Variants in FOXJ2 observed in about 807,000 individuals in gnomAD.
FOXJ2 encodes forkhead box protein J2.
A neutral mutation model predicts 68.4 loss-of-function variants in FOXJ2; 18 were observed. The observed-to-expected ratio is 0.26, with a 90% confidence interval of 0.18 to 0.39. The LOEUF (loss-of-function observed/expected upper bound fraction) is 0.39, where lower values mean the gene tolerates loss of function less well. Among genes scored for constraint, FOXJ2 ranks in the 10% least tolerant of loss-of-function variants. The pLI is 1.00. For missense variants in FOXJ2, 670 were observed against 726.5 expected (o/e 0.92, Z 0.89); for synonymous variants, 274 against 263.2 (o/e 1.04, Z -0.40).
At position 8,032,766 on chromosome 12, in the gene FOXJ2, G is replaced by A; in HGVS notation, c.-1082G>A. The A allele has an allele frequency of 2.5e-6, 1 of 397,882 alleles. No individual in the cohort carries two copies. The highest frequency in any genetic ancestry group is 4.4e-6 in the Non-Finnish European group (1 of 225,642). The allele number at this position is 397,882 out of a possible 1,614,324, so 24.6% of individuals were successfully genotyped here. On this transcript the variant is annotated 5_prime_UTR_variant, in exon 1 of 11. Coordinates refer to ENST00000162391, the MANE Select transcript of FOXJ2 (RefSeq NM_018416.3). The surrounding 1 kb of genome is among the most constrained non-coding windows in gnomAD (Gnocchi z 4.8). ...CCCGCGCCGAGCCCTGACACTGTCT[G>A]CCCGCCTTCTGGCTCCCCGGGAGCC... is the stretch of plus-strand genomic sequence containing the variant.
intron 5 of FOXJ2, 128 bp downstream of exon 5, chr12:8,044,219 A>G: frequency 8.9e-7 from 1 of 1,125,876 alleles, no homozygotes; most frequent in Admixed American, 3.3e-5. Context: ...AGGAAGGGGA[A>G]GGCAAAAGAG....
In FOXJ2 at chr12:8,033,573, C is replaced by T. The variant is rs1173409343; in HGVS notation, c.-275C>T. On this transcript the variant is annotated 5_prime_UTR_variant, in exon 1 of 11. Coordinates refer to ENST00000162391, the MANE Select transcript of FOXJ2 (RefSeq NM_018416.3). ...TTGGGAGAGGCTCCTCCCCTCCTCC[C>T]CCGGGTAACAAGCAGGGTGTGGGGG... 2.0e-5 allele frequency: 3 copies of T among 152,752 alleles called. No individual in the cohort carries two copies. Among genetic ancestry groups the T allele is most frequent in the Non-Finnish European group, 4.4e-5 (3 of 68,178 alleles). The allele number at this position is 152,752 out of a possible 1,614,324, so 9.5% of individuals were successfully genotyped here. A position where few individuals can be genotyped will look rare whatever the true frequency, so the allele number is the denominator to read the frequency against.
chr12:8,049,456 T>C lies in FOXJ2; in HGVS notation c.1422T>C (p.Leu474=). Residue 474 remains leucine (L), a synonymous_variant, in exon 9 of 11, where the codon CTT becomes CTC. Coordinates refer to ENST00000162391, the MANE Select transcript of FOXJ2 (RefSeq NM_018416.3). ...TGTGTGACTCCCTCAACCACTTCCT[T>C]ACTCAGACTGGTCACGTGCCCCCTC... ...ANLCDSLNHF[L]TQTGHVPPQG... is the part of the protein sequence containing the mutation. 2 of 1,614,168 alleles carry C rather than the reference T, an allele frequency of 1.2e-6. No individual in the cohort carries two copies. The highest frequency in any genetic ancestry group is 4.5e-5 in the East Asian group (2 of 44,884).
At chr12:8,044,575 TG>T (rs2121337689) in intron 5 of FOXJ2, among the ~76,000 whole-genome samples, 184 bp from the exon 6 acceptor site, 1 of 151,860 alleles carries the variant, frequency 6.6e-6, no homozygotes, top group South Asian at 2.1e-4. Context: ...AAATGGAGAC[TG>T]ATGAGAGAAA....
At position 8,033,014 on chromosome 12, in the gene FOXJ2, G is replaced by T; in HGVS notation, c.-834G>T. On this transcript the variant is annotated 5_prime_UTR_variant, in exon 1 of 11. Coordinates refer to ENST00000162391, the MANE Select transcript of FOXJ2 (RefSeq NM_018416.3). ...ACCCCGGGAGCGGAGGCGGGAGCGG[G>T]GACGCGAGCAACCTCTCCCCCTGTT... 1 of 396,662 alleles carries T rather than the reference G, an allele frequency of 2.5e-6. No homozygotes were observed. Among genetic ancestry groups the T allele is most frequent in the South Asian group, 1.3e-4 (1 of 7,442 alleles). 24.6% of individuals were successfully genotyped at this position (396,662 alleles called of 1,614,324 possible).
Position 8,055,513 on chromosome 12 carries a change from T to A in FOXJ2, c.*2663T>A, listed in dbSNP as rs933416694. ...AAAAAAAAAAAAAGAATGTTTACAG[T>A]TTTATCTTACTGGTAGTGGTCTCAA... On this transcript the variant is annotated 3_prime_UTR_variant, in exon 11 of 11. Transcript: ENST00000162391. 1 of 152,428 alleles carries A rather than the reference T, an allele frequency of 6.6e-6. No homozygotes were observed. The highest frequency in any genetic ancestry group is 2.4e-5 in the African/African-American group (1 of 41,406). 9.4% of individuals were successfully genotyped at this position (152,428 alleles called of 1,614,324 possible). A position where few individuals can be genotyped will look rare whatever the true frequency, so the allele number is the denominator to read the frequency against.
intron 4 of FOXJ2, 41 bp downstream of exon 4, chr12:8,043,810 G>A (rs1178397730): frequency 1.1e-5 from 17 of 1,613,062 alleles, no homozygotes; most frequent in Non-Finnish European, 1.4e-5. Context: ...ATCTGAGCCA[G>A]CTGCTCCTTC....
chr12:8,048,418 C>T, intron 7 of FOXJ2, 129 bp downstream of exon 7: 1 of 1,416,372 alleles, frequency 7.1e-7, no homozygotes, highest in Non-Finnish European at 9.3e-7. Context: ...TTCATGTGAG[C>T]TAATCTGAAC....
chr12:8,044,800 C>T lies in FOXJ2; in HGVS notation c.659C>T (p.Ala220Val). 1.2e-6 allele frequency: 2 copies of T among 1,613,972 alleles called. No individual in the cohort carries two copies. Among genetic ancestry groups the T allele is most frequent in the Non-Finnish European group, 1.7e-6 (2 of 1,179,868 alleles). The change falls in exon 6 of 11, where the codon GCT (alanine) becomes GTT (valine). Residue 220 changes from alanine (A) to valine (V), a missense_variant. Physicochemically the swap from Ala to Val is moderately conservative, Grantham distance 64. Coordinates refer to ENST00000162391, the MANE Select transcript of FOXJ2 (RefSeq NM_018416.3). ...SVDGGAVAAGASGRESAEGPP... is the reference protein window; with the variant it reads ...SVDGGAVAAGVSGRESAEGPP... ...GATGGTGGAGCAGTGGCAGCAGGGG[C>T]TTCAGGCCGAGAAAGTGCTGAGGGT...
rs773065434 is a variant in FOXJ2 at position 8,038,006 on chromosome 12, C to T, written c.-14-1813C>T. On this transcript the variant is annotated intron_variant, in intron 1 of 10. Coordinates refer to ENST00000162391, the MANE Select transcript of FOXJ2 (RefSeq NM_018416.3). The surrounding 1 kb of genome is among the most constrained non-coding windows in gnomAD (Gnocchi z 5.3). ...GATAAAGGGGAAACCCTTCATGACG[C>T]TATTTATAAACATGCCAGCCCCCCT... is the stretch of plus-strand genomic sequence containing the variant. 6.6e-6 allele frequency among the ~76,000 whole-genome samples: 1 copy of T among 152,292 alleles called. No individual in the cohort carries two copies. Among genetic ancestry groups the T allele is most frequent in the Admixed American group, 6.5e-5 (1 of 15,300 alleles).
At position 8,050,529 on chromosome 12, in the gene FOXJ2, T is replaced by C; in HGVS notation, c.1545T>C (p.Ser515=). 3.1e-6 allele frequency: 5 copies of C among 1,613,448 alleles called. No homozygotes were observed. In the African/African-American group the frequency reaches 5.3e-5, roughly 17 times the overall value. ...KQESAMSQVN[S]YGHPQAPHLY... is the part of the protein sequence containing the mutation. ...CTTGTCTTGCTTTGGCAGTGAACTC[T>C]TATGGGCACCCACAAGCTCCCCACC... Residue 515 remains serine, a synonymous_variant, in exon 10 of 11, where the codon TCT becomes TCC. Coordinates refer to ENST00000162391, the MANE Select transcript of FOXJ2 (RefSeq NM_018416.3).
chr12:8,034,432 ATGCCTC>A (rs1946870565), intron 1 of FOXJ2, among the ~76,000 whole-genome samples: 1 of 152,206 alleles, frequency 6.6e-6, no homozygotes, highest in Admixed American at 6.5e-5. Flanking sequence ...AGCTGGATGT[ATGCCTC>A]TGCCCATAAA....
chr12:8,043,903 G>T lies in FOXJ2; in HGVS notation c.478-48G>T, dbSNP rs1409052078. 8 of 1,567,996 alleles carry T rather than the reference G, an allele frequency of 5.1e-6. No homozygotes were observed. In the Admixed American group the frequency reaches 5.9e-5, roughly 12 times the overall value. ...AGAGGGGAAACCATGGGTCTTGGGA[G>T]GATATTGCGCCTCTGCTTATAGATT... On this transcript the variant is annotated intron_variant, in intron 4 of 10. Transcript: ENST00000162391.
chr12:8,049,420 C>T lies in FOXJ2; in HGVS notation c.1386C>T (p.His462=), dbSNP rs1458584396. The change falls in exon 9 of 11, where the codon CAC becomes CAT. Residue 462 remains histidine (H), a synonymous_variant. Transcript: ENST00000162391. ...AGAACTGGACCCTCGACCAGCATCA[C>T]ATTGCCAATCTGTGTGACTCCCTCA... ...EQKNWTLDQH[H]IANLCDSLNH... 1 of 1,614,162 alleles carries T rather than the reference C, an allele frequency of 6.2e-7. No individual in the cohort carries two copies.
chr12:8,045,137 G>A (rs1055933470), intron 6 of FOXJ2, among the ~76,000 whole-genome samples, 179 bp downstream of exon 6: 1 of 152,182 alleles, frequency 6.6e-6, no homozygotes, highest in African/African-American at 2.4e-5. Context: ...TCCGCCTCAC[G>A]GGTTCAAGCA....
At chr12:8,051,130 T>TCCCCTCCCTC (rs1947120644) in intron 10 of FOXJ2, among the ~76,000 whole-genome samples, 1 of 135,120 alleles carries the variant, frequency 7.4e-6, no homozygotes. Context: ...CCCTTTCCCT[T>TCCCCTCCCTC]CCCCTTTTCT....
chr12:8,032,979 C>A lies in FOXJ2; in HGVS notation c.-869C>A. The A allele has an allele frequency of 2.5e-6, 1 of 395,292 alleles. No individual in the cohort carries two copies. The highest frequency in any genetic ancestry group is 4.5e-6 in the Non-Finnish European group (1 of 224,174). The allele number at this position is 395,292 out of a possible 1,614,324, so 24.5% of individuals were successfully genotyped here. A position where few individuals can be genotyped will look rare whatever the true frequency, so the allele number is the denominator to read the frequency against. Reference sequence around the variant, plus strand: ...ACAGCCGGGAGTACGAAAGCCCCACCCTCTGGGGCACCCCGGGAGCGGAGG... The same window carrying A: ...ACAGCCGGGAGTACGAAAGCCCCACACTCTGGGGCACCCCGGGAGCGGAGG... On this transcript the variant is annotated 5_prime_UTR_variant, in exon 1 of 11. Coordinates refer to ENST00000162391, the MANE Select transcript of FOXJ2 (RefSeq NM_018416.3). This position sits in a 1 kb window ranked among gnomAD's most constrained non-coding sequence, Gnocchi z 4.8.
chr12:8,049,645 A>T, intron 9 of FOXJ2, 74 bp downstream of exon 9: 1 of 1,382,964 alleles, frequency 7.2e-7, no homozygotes, highest in East Asian at 2.5e-5. Flanking sequence ...GGCAAAAGAG[A>T]ACTGAGAGAA....
At chr12:8,043,586 C>T in intron 3 of FOXJ2, 115 bp from the exon 4 acceptor site, 1 of 997,168 alleles carries the variant, frequency 1.0e-6, no homozygotes, top group Non-Finnish European at 1.6e-6. Context: ...ACAGGATTAC[C>T]TCTGGCATAC....
Sources: gnomAD v4.1 joint callset for allele counts (sites outside exome capture counted in the v4.1 genomes callset) on GRCh38, gnomAD v4.1.1 for gene constraint, Gnocchi (gnomAD v3.1) non-coding constraint, MANE v1.5 for transcripts, NCBI Gene and HGNC (gene_info 2026-07-23, HGNC 2026-07-21) for gene names.